RP1: variants seen among roughly 807,000 people sequenced by gnomAD.
RP1 encodes the protein oxygen-regulated protein 1.
In RP1, 16 loss-of-function variants were observed where a neutral mutation model predicts 14.8. That is an observed-to-expected ratio of 1.08 (90% confidence interval 0.73 to 1.65). The LOEUF is 1.65. Ranked by LOEUF, RP1 falls within the 40% of genes most tolerant of loss-of-function variation. RP1 has a pLI of 0.00. For missense variants in RP1, 2,631 were observed against 2,535.0 expected (o/e 1.04, Z -0.81); for synonymous variants, 876 against 883.6 (o/e 0.99, Z 0.15).
intron 19 of RP1, among the ~76,000 whole-genome samples, chr8:54,744,369 A>G (rs557573093): frequency 1.1e-4 from 16 of 152,318 alleles, no homozygotes; most frequent in Admixed American, 3.3e-4. Context: ...CTGAGTGCAC[A>G]GTGGGGACAT....
At chr8:54,849,618 A>G (rs1170378041) in intron 25 of RP1, among the ~76,000 whole-genome samples, 2 of 152,252 alleles carry the variant, frequency 1.3e-5, no homozygotes, top group Non-Finnish European at 2.9e-5. Flanking sequence ...CATCATTAAC[A>G]AACACTTAGC....
intron 5 of RP1, among the ~76,000 whole-genome samples, chr8:54,653,240 C>G (rs1191556578): frequency 6.6e-6 from 1 of 152,032 alleles, no homozygotes; most frequent in East Asian, 1.9e-4. Context: ...GAATTGAATG[C>G]CAGCTTTGAA....
In RP1 at chr8:54,665,466, A is replaced by C. The variant is rs563251146; in HGVS notation, c.1323+1616A>C. On this transcript the variant is annotated intron_variant, in intron 7 of 22. Coordinates refer to the RP1 transcript ENST00000636932. ...TCCTGTCAGTGCCCCAGAGATAGGT[A>C]AGATAGAAGTCAGTCTCTTGAGAAG... Among the ~76,000 whole-genome samples, 78 of 152,276 alleles carry C rather than the reference A, an allele frequency of 5.1e-4. 1 individual carries two copies. Among genetic ancestry groups the C allele is most frequent in the Non-Finnish European group, 7.4e-4 (50 of 68,014 alleles).
intron 5 of RP1, among the ~76,000 whole-genome samples, chr8:54,655,851 CAAAT>C (rs3048820): frequency 1.0e-4 from 15 of 150,380 alleles, no homozygotes; most frequent in East Asian, 4.0e-4. Flanking sequence ...GACTTTGTCT[CAAAT>C]AAATAAATAA....
At chr8:54,701,774 C>A in intron 14 of RP1, 2 of 977,472 alleles carry the variant, frequency 2.0e-6, no homozygotes, top group South Asian at 1.7e-5. Flanking sequence ...TCACTTCCCA[C>A]TAGGTGGCAT....
intron 15 of RP1, among the ~76,000 whole-genome samples, chr8:54,711,941 A>G (rs1808301528): frequency 6.6e-6 from 1 of 152,224 alleles, no homozygotes; most frequent in Non-Finnish European, 1.5e-5. Flanking sequence ...AATTTTATAG[A>G]TACTTATGCA....
chr8:54,860,252 C>T (rs1812313682), intron 27 of RP1, among the ~76,000 whole-genome samples: 1 of 151,718 alleles, frequency 6.6e-6, no homozygotes, highest in Middle Eastern at 3.2e-3. Context: ...CAATAAACTT[C>T]CAAAATACTG....
At chr8:54,676,726 A>G (rs1453240979) in intron 8 of RP1, among the ~76,000 whole-genome samples, 1 of 152,214 alleles carries the variant, frequency 6.6e-6, no homozygotes, top group East Asian at 1.9e-4. Context: ...AAATGTAGGC[A>G]ATATATTTTT....
intron 23 of RP1, among the ~76,000 whole-genome samples, chr8:54,780,394 A>G (rs1286027035): frequency 6.6e-6 from 1 of 152,138 alleles, no homozygotes; most frequent in African/African-American, 2.4e-5. Context: ...TGATCATCGA[A>G]CTCACTTCTT....
intron 24 of RP1, among the ~76,000 whole-genome samples, chr8:54,787,221 C>G (rs1391462): frequency 6.6e-6 from 1 of 151,778 alleles, no homozygotes; most frequent in African/African-American, 2.4e-5. Flanking sequence ...TAAACATCCT[C>G]AGGAAAACAA....
At chr8:54,787,194 G>A (rs999424989) in intron 24 of RP1, among the ~76,000 whole-genome samples, 2 of 152,082 alleles carry the variant, frequency 1.3e-5, no homozygotes, top group African/African-American at 4.8e-5. Flanking sequence ...GTCACTAAGA[G>A]CCAAAATGAA....
At chr8:54,852,562 C>G in intron 25 of RP1, 13 of 1,229,728 alleles carry the variant, frequency 1.1e-5, no homozygotes, top group Non-Finnish European at 1.3e-5. Flanking sequence ...TATCAGATTT[C>G]TTACATTTCA....
intron 1 of RP1, among the ~76,000 whole-genome samples, chr8:54,608,323 A>G (rs1475620081): frequency 6.6e-6 from 1 of 151,344 alleles, no homozygotes; most frequent in East Asian, 1.9e-4. Context: ...GGTTAATTTT[A>G]TGGCATGGAA....
chr8:54,657,534 C>A (rs907257672), intron 6 of RP1, among the ~76,000 whole-genome samples: 16 of 151,990 alleles, frequency 1.1e-4, no homozygotes, highest in Admixed American at 9.2e-4. Context: ...TTTACCCTTG[C>A]CATATTTTTA....
chr8:54,760,187 C>T (rs1474121101), intron 22 of RP1, among the ~76,000 whole-genome samples: 4 of 152,168 alleles, frequency 2.6e-5, no homozygotes. Context: ...GCCTTTTAGT[C>T]ATTAAATTCA....
intron 7 of RP1, among the ~76,000 whole-genome samples, chr8:54,667,148 A>G (rs2129330971): frequency 6.6e-6 from 1 of 152,002 alleles, no homozygotes; most frequent in South Asian, 2.1e-4. Context: ...GTACATCCCC[A>G]TGCCTGGGAA....
chr8:54,801,463 T>C (rs1031679142), intron 24 of RP1, among the ~76,000 whole-genome samples: 1 of 152,188 alleles, frequency 6.6e-6, no homozygotes, highest in African/African-American at 2.4e-5. Context: ...CCTTTCTTAG[T>C]TGCAATGTAT....
intron 24 of RP1, among the ~76,000 whole-genome samples, chr8:54,808,309 C>T (rs947310882): frequency 2.6e-5 from 4 of 152,190 alleles, no homozygotes; most frequent in Admixed American, 6.5e-5. Flanking sequence ...CGGCTCTGCA[C>T]GAAGGTGTCT....
At chr8:54,735,845 G>A (rs74804909) in intron 18 of RP1, among the ~76,000 whole-genome samples, 4,412 of 152,162 alleles carry the variant, frequency 0.029, 125 homozygotes, top group African/African-American at 0.065. Flanking sequence ...AATATACCTT[G>A]TGGTATATGT....
Sources: allele counts gnomAD v4.1 joint callset (sites outside exome capture counted in the v4.1 genomes callset), GRCh38; gene constraint gnomAD v4.1.1; transcripts MANE v1.5; gene names NCBI Gene and HGNC (gene_info 2026-07-23, HGNC 2026-07-21).